Variants in PAM observed in about 807,000 individuals in gnomAD.
PAM encodes peptidylglycine alpha-amidating monooxygenase.
Under a neutral mutation model 122.1 loss-of-function variants are expected in PAM, and 72 were observed. That is an observed-to-expected ratio of 0.59 (90% CI 0.49 to 0.72). The LOEUF is 0.72. Ranked by LOEUF, PAM falls within the 30% of genes least tolerant of loss-of-function variation. The pLI, the probability that PAM is intolerant of heterozygous loss-of-function variation, is 0.00. For missense variants in PAM, 1,106 were observed against 1,183.7 expected, an observed-to-expected ratio of 0.93 and a Z score of 0.96; for synonymous variants, 389 against 404.4, an observed-to-expected ratio of 0.96 and a Z score of 0.46.
chr5:102,930,786 A>T (rs1448413859), intron 7 of PAM, among the ~76,000 whole-genome samples: 1 of 152,228 alleles, frequency 6.6e-6, no homozygotes, highest in Non-Finnish European at 1.5e-5. Context: ...GTGAGCTAGG[A>T]TTGCAGCTTA....
chr5:102,912,611 A>G, intron 4 of PAM, among the ~76,000 whole-genome samples: 1 of 150,820 alleles, frequency 6.6e-6, no homozygotes, highest in South Asian at 2.1e-4. Context: ...CTTCATGATG[A>G]TAAGGACTTT....
chr5:102,958,988 A>T (rs1483399523), intron 12 of PAM, among the ~76,000 whole-genome samples: 1 of 152,146 alleles, frequency 6.6e-6, no homozygotes, highest in Non-Finnish European at 1.5e-5. Context: ...AGTCTTGTGA[A>T]GGTGTACTTA....
chr5:102,986,591 AT>A (rs2150703451), intron 15 of PAM, among the ~76,000 whole-genome samples: 1 of 152,300 alleles, frequency 6.6e-6, no homozygotes, highest in South Asian at 2.1e-4. Context: ...CACCAAAAAA[AT>A]GGAAAAATAT....
At chr5:102,835,867 T>C (rs1410209676) in intron 1 of PAM, among the ~76,000 whole-genome samples, 1 of 152,192 alleles carries the variant, frequency 6.6e-6, no homozygotes, top group East Asian at 1.9e-4. Flanking sequence ...CAGAAATTGC[T>C]ATATATTATA....
intron 16 of PAM, among the ~76,000 whole-genome samples, chr5:102,995,527 C>A (rs1474858707): frequency 6.6e-6 from 1 of 152,014 alleles, no homozygotes; most frequent in Non-Finnish European, 1.5e-5. Context: ...TTGAGACTTG[C>A]ATCAAGACGT....
chr5:102,890,566 G>A (rs61695661), intron 3 of PAM, among the ~76,000 whole-genome samples: 6,853 of 151,736 alleles, frequency 0.045, 331 homozygotes, highest in East Asian at 0.18. Context: ...AACTTTTCTT[G>A]TAACACCTAC....
intron 3 of PAM, among the ~76,000 whole-genome samples, chr5:102,871,773 T>G (rs935987992): frequency 3.2e-4 from 47 of 148,364 alleles, no homozygotes; most frequent in African/African-American, 1.1e-3. Context: ...AAGCCTTGAT[T>G]TTTTTTCAGT....
chr5:102,857,891 C>T (rs892465983), intron 1 of PAM, among the ~76,000 whole-genome samples: 5 of 151,992 alleles, frequency 3.3e-5, no homozygotes, highest in African/African-American at 1.2e-4. Flanking sequence ...AGAAAATATC[C>T]CCAATAAATA....
Position 103,004,796 on chromosome 5 carries a change from TTTC to T in PAM, c.1731-355_1731-353del, listed in dbSNP as rs1427094005. The stretch of plus-strand genomic sequence containing the variant: ...CGCAAACTATATCAATCCATTTATG[TTTC>T]TTAAGTCAGTTTTATACATATTTGT... On this transcript the variant is annotated intron_variant, in intron 17 of 25. Transcript: ENST00000438793. 3.9e-5 allele frequency among the ~76,000 whole-genome samples: 6 copies of T among 152,360 alleles called. No homozygotes were observed. In the East Asian group the frequency reaches 1.2e-3, roughly 29 times the overall value.
intron 14 of PAM, among the ~76,000 whole-genome samples, chr5:102,963,788 A>C (rs1763218566): frequency 6.6e-6 from 1 of 151,580 alleles, no homozygotes; most frequent in African/African-American, 2.4e-5. Context: ...CCACCTGGTT[A>C]ATACTATATA....
At chr5:103,025,906 A>G (rs1784815428) in intron 24 of PAM, among the ~76,000 whole-genome samples, 1 of 152,212 alleles carries the variant, frequency 6.6e-6, no homozygotes, top group Non-Finnish European at 1.5e-5. Flanking sequence ...GAAGTACTCA[A>G]TACCACCAAT....
intron 1 of PAM, among the ~76,000 whole-genome samples, chr5:102,762,150 C>G (rs948679889): frequency 2.6e-5 from 4 of 152,156 alleles, no homozygotes; most frequent in African/African-American, 9.7e-5. Flanking sequence ...CCAAATTCCC[C>G]TTCCTCAGCC....
chr5:102,939,170 C>T (rs1754252122), intron 7 of PAM, among the ~76,000 whole-genome samples: 1 of 152,120 alleles, frequency 6.6e-6, no homozygotes, highest in South Asian at 2.1e-4. Flanking sequence ...TCAAACCTTC[C>T]CTAGACCCAG....
intron 14 of PAM, among the ~76,000 whole-genome samples, chr5:102,963,822 C>A (rs1057444500): frequency 6.6e-6 from 1 of 150,590 alleles, no homozygotes. Flanking sequence ...TGTATATATG[C>A]ACATACACAC....
intron 1 of PAM, among the ~76,000 whole-genome samples, chr5:102,761,083 A>C (rs1752206456): frequency 6.6e-6 from 1 of 152,196 alleles, no homozygotes; most frequent in South Asian, 2.1e-4. Flanking sequence ...CCAGTCCAGC[A>C]GCACCTCGGC....
At chr5:102,846,631 G>A (rs76598270) in intron 1 of PAM, among the ~76,000 whole-genome samples, 4,886 of 152,254 alleles carry the variant, frequency 0.032, 140 homozygotes, top group Admixed American at 0.085. Context: ...GCCACTTCAT[G>A]GACATCCCAG....
intron 1 of PAM, among the ~76,000 whole-genome samples, chr5:102,819,056 A>G (rs1013846422): frequency 1.3e-5 from 2 of 152,206 alleles, no homozygotes; most frequent in East Asian, 3.8e-4. Flanking sequence ...AGCTGGGAGG[A>G]TACAAAACAG....
At chr5:102,860,240 G>A (rs1783800970) in intron 1 of PAM, among the ~76,000 whole-genome samples, 1 of 152,164 alleles carries the variant, frequency 6.6e-6, no homozygotes, top group Non-Finnish European at 1.5e-5. Flanking sequence ...TGGTGACCTG[G>A]CATGGAGCAT....
intron 1 of PAM, among the ~76,000 whole-genome samples, chr5:102,780,603 T>C (rs1220531558): frequency 6.6e-6 from 1 of 152,048 alleles, no homozygotes; most frequent in Non-Finnish European, 1.5e-5. Context: ...ACCTCCCGAC[T>C]GAACTCCTGC....
Sources: allele counts gnomAD v4.1 joint callset (sites outside exome capture counted in the v4.1 genomes callset), GRCh38; gene constraint gnomAD v4.1.1; transcripts MANE v1.5; gene names NCBI Gene and HGNC (gene_info 2026-07-23, HGNC 2026-07-21).